TESC: variants seen among roughly 807,000 people sequenced by gnomAD.
The protein encoded by TESC is calcineurin B homologous protein 3.
In TESC, 19 loss-of-function variants were observed where a neutral mutation model predicts 31.0. That is an observed-to-expected ratio of 0.61 (90% CI 0.43 to 0.90). TESC has a LOEUF of 0.90. Among genes scored for constraint, TESC ranks in the 40% least tolerant of loss-of-function variants. The pLI is 0.00. For missense variants in TESC, 248 were observed against 303.8 expected (o/e 0.82, Z 1.36); for synonymous variants, 109 against 114.8 (o/e 0.95, Z 0.32).
At chr12:117,056,777 A>C (rs1954731186) in intron 3 of TESC, 29 bp downstream of exon 3, 1 of 1,608,720 alleles carries the variant, frequency 6.2e-7, no homozygotes, top group African/African-American at 1.3e-5. Context: ...GGTGCCTGCC[A>C]CTGGGCTGGT....
chr12:117,086,173 T>G (rs1027555432), intron 1 of TESC, among the ~76,000 whole-genome samples: 2 of 152,002 alleles, frequency 1.3e-5, no homozygotes, highest in Admixed American at 1.3e-4. Flanking sequence ...GGGTATGAGG[T>G]TTTTTGGAGG....
At chr12:117,098,075 G>A (rs1242889006) in intron 1 of TESC, among the ~76,000 whole-genome samples, 1 of 152,296 alleles carries the variant, frequency 6.6e-6, no homozygotes, top group East Asian at 1.9e-4. Flanking sequence ...CTCCTGGAAA[G>A]GGGTATTTAG....
At chr12:117,094,719 A>AAG (rs1393104388) in intron 1 of TESC, among the ~76,000 whole-genome samples, 3 of 152,120 alleles carry the variant, frequency 2.0e-5, no homozygotes, top group Non-Finnish European at 4.4e-5. Context: ...TCGTTTCATA[A>AAG]AGAGACAGGG....
At chr12:117,097,536 G>T (rs1399994222) in intron 1 of TESC, among the ~76,000 whole-genome samples, 2 of 152,180 alleles carry the variant, frequency 1.3e-5, no homozygotes, top group Non-Finnish European at 2.9e-5. Flanking sequence ...GCAGTGGGAG[G>T]CGAGGAGAGG....
At chr12:117,093,552 C>A (rs1030237673) in intron 1 of TESC, among the ~76,000 whole-genome samples, 1 of 152,254 alleles carries the variant, frequency 6.6e-6, no homozygotes, top group African/African-American at 2.4e-5. Context: ...AGCCACCGCA[C>A]CAGCCTGCGA....
chr12:117,051,179 G>A (rs1012245499), intron 3 of TESC, among the ~76,000 whole-genome samples: 11 of 152,202 alleles, frequency 7.2e-5, no homozygotes, highest in African/African-American at 2.7e-4. Context: ...GTCCCACCCA[G>A]GGCACGACTG....
chr12:117,053,734 G>A (rs554327777), intron 3 of TESC, among the ~76,000 whole-genome samples: 25 of 151,916 alleles, frequency 1.6e-4, no homozygotes, highest in African/African-American at 5.8e-4. Flanking sequence ...TCCCTCTCTC[G>A]CGTGCGCGCG....
intron 2 of TESC, among the ~76,000 whole-genome samples, chr12:117,071,945 C>T (rs1209544870): frequency 6.6e-6 from 1 of 152,188 alleles, no homozygotes; most frequent in African/African-American, 2.4e-5. Context: ...CACCCTAGAA[C>T]TGCAGAAGCA....
chr12:117,078,559 A>G (rs1322828179), intron 1 of TESC, among the ~76,000 whole-genome samples: 1 of 106,188 alleles, frequency 9.4e-6, no homozygotes, highest in Non-Finnish European at 2.0e-5. Context: ...AGATGGAGGA[A>G]AAAAAATTGT....
At chr12:117,078,431 A>G (rs532032183) in intron 1 of TESC, among the ~76,000 whole-genome samples, 2 of 152,256 alleles carry the variant, frequency 1.3e-5, no homozygotes, top group Admixed American at 1.3e-4. Context: ...GCACCACTGC[A>G]CTCCAGCCTT....
intron 2 of TESC, among the ~76,000 whole-genome samples, chr12:117,064,787 G>A (rs1212311003): frequency 3.3e-5 from 5 of 152,156 alleles, no homozygotes. Flanking sequence ...CCTGAAGGAG[G>A]GGAGGTTCTC....
chr12:117,046,899 G>A (rs1954575393), intron 4 of TESC, 61 bp from the exon 5 acceptor site: 2 of 1,509,680 alleles, frequency 1.3e-6, no homozygotes, highest in African/African-American at 1.4e-5. Flanking sequence ...GCCACCCCCT[G>A]AAATGTACAC....
intron 2 of TESC, among the ~76,000 whole-genome samples, chr12:117,060,829 T>G (rs1178139022): frequency 2.0e-5 from 3 of 152,184 alleles, no homozygotes; most frequent in Non-Finnish European, 4.4e-5. Context: ...CCCAGATCCC[T>G]GAGAAAGGGA....
At chr12:117,090,402 T>C (rs1413546492) in intron 1 of TESC, among the ~76,000 whole-genome samples, 1 of 152,196 alleles carries the variant, frequency 6.6e-6, no homozygotes, top group Admixed American at 6.5e-5. Flanking sequence ...AAAAAAGTTA[T>C]AGCATGCCTT....
At chr12:117,096,399 C>T (rs180814857) in intron 1 of TESC, among the ~76,000 whole-genome samples, 3 of 152,152 alleles carry the variant, frequency 2.0e-5, no homozygotes, top group African/African-American at 7.2e-5. Flanking sequence ...CATGCCAAGC[C>T]GATCGTCTCG....
At chr12:117,049,947 T>C (rs924760193) in intron 3 of TESC, among the ~76,000 whole-genome samples, 1 of 151,022 alleles carries the variant, frequency 6.6e-6, no homozygotes, top group South Asian at 2.1e-4. Flanking sequence ...AGAAGACTTT[T>C]CACAATTTTA....
intron 4 of TESC, 54 bp from the exon 5 acceptor site, chr12:117,046,892 A>C (rs1592993335): frequency 6.6e-7 from 1 of 1,522,718 alleles, no homozygotes; most frequent in Admixed American, 2.0e-5. Flanking sequence ...GGCCCCTGCC[A>C]CCCCCTGAAA....
chr12:117,058,129 A>G lies in TESC; in HGVS notation c.129-1243T>C, dbSNP rs1459998723. Among the ~76,000 whole-genome samples the G allele has an allele frequency of 2.0e-5, 3 of 152,084 alleles. No individual in the cohort carries two copies. The East Asian group carries it at 5.8e-4, about 29-fold the overall frequency. The stretch of plus-strand genomic sequence containing the variant: ...CAGCTACTTGGGAACCTCAGACACA[A>G]GAGTTGCTTGAATCCGGGAGGTGGA... On this transcript the variant is annotated intron_variant, in intron 2 of 7. Transcript: ENST00000335209.
At chr12:117,052,864 C>G (rs1311889729) in intron 3 of TESC, among the ~76,000 whole-genome samples, 1 of 152,146 alleles carries the variant, frequency 6.6e-6, no homozygotes, top group Non-Finnish European at 1.5e-5. Context: ...CTCACGCACT[C>G]CAAGTGCAGC....
Sources: allele counts gnomAD v4.1 joint callset (sites outside exome capture counted in the v4.1 genomes callset), GRCh38; gene constraint gnomAD v4.1.1; transcripts MANE v1.5; gene names NCBI Gene and HGNC (gene_info 2026-07-23, HGNC 2026-07-21).